The following PTK7 variants were observed in gnomAD, a reference collection of about 807,000 sequenced individuals.
PTK7 encodes protein tyrosine kinase 7 (inactive), also known as inactive tyrosine-protein kinase 7.
A neutral mutation model predicts 116.6 loss-of-function variants in PTK7; 39 were observed. That is an observed-to-expected ratio of 0.33 (90% CI 0.26 to 0.44). PTK7 has a LOEUF of 0.44. Among genes scored for constraint, PTK7 ranks in the 20% least tolerant of loss-of-function variants. The pLI is 1.00. For synonymous variants in PTK7, 546 were observed against 563.6 expected (o/e 0.97, Z 0.44); for missense variants, 1,169 against 1,425.6 (o/e 0.82, Z 2.90).
rs1036647204 is a variant in PTK7, at chr6:43,078,754, G to A, written c.79+2187G>A. Among the ~76,000 whole-genome samples, 16 of 152,316 alleles carry A rather than the reference G, an allele frequency of 1.1e-4. No homozygotes were observed. In the South Asian group the frequency reaches 1.2e-3, roughly 12 times the overall value. On this transcript the variant is annotated intron_variant, in intron 1 of 19. Transcript: ENST00000230419. ...CTGTTGTAATAAATATGGTGGAGGA[G>A]GAGGAGGCTTGATGTTTGAAACTAT...
chr6:43,090,443 A>G (rs1179239596), intron 1 of PTK7, among the ~76,000 whole-genome samples: 1 of 152,226 alleles, frequency 6.6e-6, no homozygotes, highest in Non-Finnish European at 1.5e-5. Flanking sequence ...AGCAGCAGGC[A>G]GGCTGAGCAG....
In PTK7 at chr6:43,143,660, G is replaced by A. The variant is rs1408130148; in HGVS notation, c.2251+40G>A. 6.3e-7 allele frequency: 1 copy of A among 1,586,524 alleles called. No individual in the cohort carries two copies. Among genetic ancestry groups the A allele is most frequent in the Non-Finnish European group, 8.6e-7 (1 of 1,168,328 alleles). On this transcript the variant is annotated intron_variant, in intron 14 of 19. Coordinates refer to ENST00000230419, the MANE Select transcript of PTK7 (RefSeq NM_002821.5). This position sits in a 1 kb window ranked among gnomAD's most constrained non-coding sequence, Gnocchi z 4.2. ...ACGGGGAGGTGGTGCCCGTGTGCGGGAGCTGAGCGCCCTCCCGCGGCCACG... is the reference window on the plus strand; with the variant it reads ...ACGGGGAGGTGGTGCCCGTGTGCGGAAGCTGAGCGCCCTCCCGCGGCCACG...
chr6:43,133,439 G>C (rs1352363278), intron 7 of PTK7: 1 of 152,298 alleles, frequency 6.6e-6, no homozygotes, highest in Non-Finnish European at 1.5e-5. Flanking sequence ...TGGGCGTGGT[G>C]GGGCACACCT....
intron 17 of PTK7, among the ~76,000 whole-genome samples, chr6:43,156,220 C>A (rs1390100256): frequency 9.8e-6 from 1 of 102,542 alleles, no homozygotes; most frequent in Non-Finnish European, 1.8e-5. Flanking sequence ...CAGAGCAATA[C>A]CCTGTCTCAA....
intron 1 of PTK7, among the ~76,000 whole-genome samples, chr6:43,102,678 A>C (rs921067016): frequency 6.6e-6 from 1 of 152,212 alleles, no homozygotes; most frequent in Non-Finnish European, 1.5e-5. Context: ...ATGACACTAG[A>C]TATAAATTAA....
At chr6:43,147,020 C>T (rs186840002) in intron 17 of PTK7, among the ~76,000 whole-genome samples, 13 of 152,348 alleles carry the variant, frequency 8.5e-5, no homozygotes, top group Non-Finnish European at 1.5e-4. Context: ...TGGAGCAGGA[C>T]GCCTGCCCAC....
chr6:43,118,653 CTCTCTCTATATATATATATATA>C (rs1329390409), intron 1 of PTK7, among the ~76,000 whole-genome samples: 29 of 79,390 alleles, frequency 3.7e-4, no homozygotes, highest in Admixed American at 5.5e-4. Context: ...CTCTCTCTCT[CTCTCTCTATATATATATATATA>C]TATATATATA....
chr6:43,159,999 G>A, intron 19 of PTK7, 33 bp downstream of exon 19: 1 of 1,597,498 alleles, frequency 6.3e-7, no homozygotes, highest in Non-Finnish European at 8.5e-7. Flanking sequence ...GATGATTCCA[G>A]ATGGGCCCCA....
At chr6:43,157,364 A>ATATATATATATTTT (rs70990168) in intron 17 of PTK7, among the ~76,000 whole-genome samples, 9 of 54,348 alleles carry the variant, frequency 1.7e-4, no homozygotes, top group Admixed American at 4.9e-4. Context: ...ATATATATAT[A>ATATATATATATTTT]TTTTTTTTTT....
intron 17 of PTK7, among the ~76,000 whole-genome samples, chr6:43,155,491 A>G (rs570274865): frequency 1.1e-3 from 165 of 151,972 alleles, no homozygotes; most frequent in Non-Finnish European, 2.0e-3. Flanking sequence ...AAAAAATACA[A>G]AAGTTAGCTG....
intron 16 of PTK7, among the ~76,000 whole-genome samples, chr6:43,146,356 C>G (rs1770725436): frequency 1.3e-5 from 2 of 152,114 alleles, no homozygotes; most frequent in African/African-American, 4.8e-5. Context: ...GGCTCTGTTG[C>G]CCCACCTGTC....
intron 17 of PTK7, among the ~76,000 whole-genome samples, chr6:43,156,768 C>T (rs1436530265): frequency 1.3e-5 from 2 of 151,834 alleles, no homozygotes; most frequent in South Asian, 2.1e-4. Flanking sequence ...TGGTAGTGCG[C>T]GCCTGTAATC....
intron 1 of PTK7, among the ~76,000 whole-genome samples, chr6:43,103,369 G>A (rs1423294765): frequency 1.3e-5 from 2 of 152,150 alleles, no homozygotes; most frequent in Non-Finnish European, 2.9e-5. Flanking sequence ...CAAGCAACAA[G>A]GCTTTAATCT....
At chr6:43,083,224 T>C (rs146816276) in intron 1 of PTK7, among the ~76,000 whole-genome samples, 191 of 152,338 alleles carry the variant, frequency 1.3e-3, no homozygotes, top group African/African-American at 4.3e-3. Flanking sequence ...AGTAGATGCC[T>C]CTCTGCTGCT....
At chr6:43,128,660 C>G (rs1388191627) in intron 1 of PTK7, among the ~76,000 whole-genome samples, 1 of 152,168 alleles carries the variant, frequency 6.6e-6, no homozygotes, top group Non-Finnish European at 1.5e-5. Flanking sequence ...TGGCTCATGC[C>G]TATAATCCCA....
intron 1 of PTK7, among the ~76,000 whole-genome samples, chr6:43,119,229 G>C (rs2150413684): frequency 6.6e-6 from 1 of 152,220 alleles, no homozygotes; most frequent in South Asian, 2.1e-4. Context: ...ACTCTGACCA[G>C]GTCTGCAGGC....
intron 1 of PTK7, among the ~76,000 whole-genome samples, chr6:43,085,374 G>A (rs182885188): frequency 1.6e-3 from 247 of 152,066 alleles, no homozygotes; most frequent in African/African-American, 5.4e-3. Flanking sequence ...TCAGCCTCCC[G>A]AGTAGCTGGG....
intron 19 of PTK7, 97 bp from the exon 20 acceptor site, chr6:43,160,624 C>G (rs1771793305): frequency 2.7e-6 from 4 of 1,496,222 alleles, no homozygotes; most frequent in African/African-American, 1.4e-5. Flanking sequence ...CCAGAGGCAT[C>G]CTTGGGTGGC....
At chr6:43,118,335 G>A (rs1053903369) in intron 1 of PTK7, among the ~76,000 whole-genome samples, 1 of 151,900 alleles carries the variant, frequency 6.6e-6, no homozygotes, top group African/African-American at 2.4e-5. Context: ...TCAGGAGTTC[G>A]AGACCAGTCT....
Sources: allele counts gnomAD v4.1 joint callset (sites outside exome capture counted in the v4.1 genomes callset), GRCh38; gene constraint gnomAD v4.1.1; non-coding constraint Gnocchi (gnomAD v3.1); transcripts MANE v1.5; gene names NCBI Gene and HGNC (gene_info 2026-07-23, HGNC 2026-07-21).